The following NTN1 variants were observed in gnomAD, a reference collection of about 807,000 sequenced individuals.
NTN1 encodes netrin-1.
NTN1 carries 11 observed loss-of-function variants against 54.2 expected under a neutral mutation model. That is an observed-to-expected ratio of 0.20 (90% CI 0.13 to 0.34). NTN1 has a LOEUF of 0.34. Among genes scored for constraint, NTN1 ranks in the 10% least tolerant of loss-of-function variants. NTN1 has a pLI of 1.00. For missense variants in NTN1, 740 were observed against 893.1 expected (o/e 0.83, Z 2.18); for synonymous variants, 371 against 382.0 (o/e 0.97, Z 0.33).
chr17:9,185,622 CAG>C (rs769789243), intron 5 of NTN1, among the ~76,000 whole-genome samples: 2 of 152,082 alleles, frequency 1.3e-5, no homozygotes, highest in African/African-American at 2.4e-5. Context: ...AGGAGGGAAA[CAG>C]GGAGGAAAGG....
chr17:9,061,580 G>T lies in NTN1; in HGVS notation c.1018+38189G>T, dbSNP rs138410971. Among the ~76,000 whole-genome samples, 692 of 152,344 alleles carry T rather than the reference G, an allele frequency of 4.5e-3. 6 individuals are homozygous for T. Among genetic ancestry groups the T allele is most frequent in the African/African-American group, 0.015 (634 of 41,574 alleles). On this transcript the variant is annotated intron_variant, in intron 2 of 6. Transcript: ENST00000173229. ...GGTTTGGAGTGGGGCCCTAGGATTT[G>T]ATATCTAACAAGTGCCCAGGTGGTG...
Position 9,081,068 on chromosome 17 carries a change from T to C in NTN1, c.1018+57677T>C, listed in dbSNP as rs138131802. Among the ~76,000 whole-genome samples the C allele has an allele frequency of 4.3e-3, 660 of 152,280 alleles. 18 individuals carry two copies. Among genetic ancestry groups the C allele is most frequent in the Admixed American group, 0.033 (503 of 15,302 alleles). The stretch of plus-strand genomic sequence containing the variant: ...GGTCAGAAGCACAAGTAAAACAACG[T>C]GGGGCTTGTGATTGGCATCAGAAGT... On this transcript the variant is annotated intron_variant, in intron 2 of 6. Transcript: ENST00000173229.
intron 2 of NTN1, among the ~76,000 whole-genome samples, chr17:9,052,830 A>G (rs2091965472): frequency 6.6e-6 from 1 of 152,198 alleles, no homozygotes; most frequent in South Asian, 2.1e-4. Flanking sequence ...TGTGTATCCA[A>G]ACAAAATCCT....
chr17:9,135,715 T>G lies in NTN1; in HGVS notation c.1019-27098T>G, dbSNP rs2092278829. The stretch of plus-strand genomic sequence containing the variant: ...CATCTCCAGGTTGAGGTTCTAGGGC[T>G]CCCTGGAGTAGGCCTGGTGGGGCAC... On this transcript the variant is annotated intron_variant, in intron 2 of 6. Coordinates refer to ENST00000173229, the MANE Select transcript of NTN1 (RefSeq NM_004822.3). The surrounding 1 kb of genome is among the most constrained non-coding windows in gnomAD (Gnocchi z 4.4). 6.6e-6 allele frequency among the ~76,000 whole-genome samples: 1 copy of G among 152,202 alleles called. No homozygotes were observed. Among genetic ancestry groups the G allele is most frequent in the Non-Finnish European group, 1.5e-5 (1 of 68,026 alleles).
Position 9,221,148 on chromosome 17 carries a change from C to CA in NTN1, c.1412-20_1412-19insA. The CA allele has an allele frequency of 1.7e-6, 2 of 1,204,842 alleles. No homozygotes were observed. The highest frequency in any genetic ancestry group is 1.2e-5 in the South Asian group (1 of 81,688). 74.6% of individuals were successfully genotyped at this position (1,204,842 alleles called of 1,614,324 possible). ...AGCCTAATTAGTTTTTGTCTGTGCT[C>CA]CCCCCCCACCCCCCTGCAGACTGCG... On this transcript the variant is annotated intron_variant, in intron 5 of 6. Coordinates refer to ENST00000173229, the MANE Select transcript of NTN1 (RefSeq NM_004822.3). This position sits in a 1 kb window ranked among gnomAD's most constrained non-coding sequence, Gnocchi z 4.5.
chr17:9,126,133 A>C (rs1473179404), intron 2 of NTN1, among the ~76,000 whole-genome samples: 1 of 152,248 alleles, frequency 6.6e-6, no homozygotes, highest in Non-Finnish European at 1.5e-5. Context: ...AGAACAACAT[A>C]GCACTTAATG....
chr17:9,056,301 C>T (rs924470732), intron 2 of NTN1, among the ~76,000 whole-genome samples: 38 of 152,228 alleles, frequency 2.5e-4, no homozygotes, highest in African/African-American at 8.7e-4. Context: ...AAGTGATCTG[C>T]CTGCCTTGGC....
intron 2 of NTN1, among the ~76,000 whole-genome samples, chr17:9,149,270 C>A (rs1257224340): frequency 6.6e-6 from 1 of 151,238 alleles, no homozygotes; most frequent in Non-Finnish European, 1.5e-5. Context: ...CACACCCCCA[C>A]ACACACCCTG....
intron 2 of NTN1, among the ~76,000 whole-genome samples, chr17:9,119,832 T>A (rs2092226727): frequency 6.6e-6 from 1 of 152,126 alleles, no homozygotes; most frequent in East Asian, 1.9e-4. Context: ...CTACTGAGTG[T>A]GATGTGGTGC....
At chr17:9,176,789 T>C (rs1326512104) in intron 3 of NTN1, 2 of 152,186 alleles carry the variant, frequency 1.3e-5, no homozygotes, top group Non-Finnish European at 2.9e-5. Context: ...AAGGGGGCCA[T>C]TTAGAAAGGG....
At chr17:9,114,695 A>C (rs1028066215) in intron 2 of NTN1, among the ~76,000 whole-genome samples, 3 of 152,218 alleles carry the variant, frequency 2.0e-5, no homozygotes, top group Non-Finnish European at 4.4e-5. Context: ...AGGAGGTTGC[A>C]GCGAGCCGAG....
At chr17:9,031,330 G>A (rs187061933) in intron 2 of NTN1, among the ~76,000 whole-genome samples, 1 of 152,278 alleles carries the variant, frequency 6.6e-6, no homozygotes, top group African/African-American at 2.4e-5. Context: ...GATTTCGTCT[G>A]TTTCTGCTTT....
intron 2 of NTN1, among the ~76,000 whole-genome samples, chr17:9,134,389 G>A (rs1336244639): frequency 6.6e-6 from 1 of 152,058 alleles, no homozygotes; most frequent in Non-Finnish European, 1.5e-5. Flanking sequence ...CACTCCCTCC[G>A]GTTTCTGTGC....
intron 2 of NTN1, among the ~76,000 whole-genome samples, chr17:9,038,682 C>T (rs575176568): frequency 1.3e-5 from 2 of 152,310 alleles, no homozygotes; most frequent in Admixed American, 1.3e-4. Flanking sequence ...TCCTCCCACA[C>T]ACCTCATGAT....
At chr17:9,210,449 CACACACA>C (rs1905074269) in intron 5 of NTN1, among the ~76,000 whole-genome samples, 1 of 105,936 alleles carries the variant, frequency 9.4e-6, no homozygotes, top group African/African-American at 3.2e-5. Context: ...CACACCCACA[CACACACA>C]CACACACACA....
At chr17:9,104,088 CAAAAAAAA>C (rs55732200) in intron 2 of NTN1, among the ~76,000 whole-genome samples, 1 of 70,838 alleles carries the variant, frequency 1.4e-5, no homozygotes, top group Non-Finnish European at 2.5e-5. Context: ...GACTCCATCT[CAAAAAAAA>C]AAAAAAAAAA....
Position 9,023,181 on chromosome 17 carries a change from G to A in NTN1, c.808G>A (p.Asp270Asn). The change falls in exon 2 of 7, where the codon GAC becomes AAC. Residue 270 changes from aspartate to asparagine, a missense_variant. Transcript: ENST00000173229. ...ENEDDSELAR[D>N]SYFYAVSDLQ... ...CGAGGACGACTCGGAGCTGGCGCGCGACTCGTACTTCTACGCGGTGTCCGA... is the reference window on the plus strand; with the variant it reads ...CGAGGACGACTCGGAGCTGGCGCGCAACTCGTACTTCTACGCGGTGTCCGA... 6.4e-7 allele frequency: 1 copy of A among 1,562,726 alleles called. No individual in the cohort carries two copies. Among genetic ancestry groups the A allele is most frequent in the Non-Finnish European group, 8.7e-7 (1 of 1,151,168 alleles).
intron 2 of NTN1, among the ~76,000 whole-genome samples, chr17:9,114,164 A>ATATATATATAT (rs1404097905): frequency 2.6e-4 from 21 of 80,480 alleles, no homozygotes; most frequent in African/African-American, 5.7e-4. Flanking sequence ...AAAAAAAAAA[A>ATATATATATAT]AAATATATAT....
At chr17:9,079,822 T>A (rs911809910) in intron 2 of NTN1, among the ~76,000 whole-genome samples, 1 of 151,396 alleles carries the variant, frequency 6.6e-6, no homozygotes, top group Non-Finnish European at 1.5e-5. Context: ...CTGGAGGAAG[T>A]GGTTCCCCAA....
Sources: gnomAD v4.1 joint callset for allele counts (sites outside exome capture counted in the v4.1 genomes callset) on GRCh38, gnomAD v4.1.1 for gene constraint, Gnocchi (gnomAD v3.1) non-coding constraint, MANE v1.5 for transcripts, NCBI Gene and HGNC (gene_info 2026-07-23, HGNC 2026-07-21) for gene names.